Variants in ARMC2 observed in about 807,000 individuals in gnomAD.
ARMC2 encodes armadillo repeat containing 2, also known as armadillo repeat-containing protein 2.
ARMC2 carries 67 observed loss-of-function variants against 90.3 expected under a neutral mutation model. The observed-to-expected ratio is 0.74, with a 90% CI of 0.61 to 0.91. The LOEUF (loss-of-function observed/expected upper bound fraction) is 0.91, where lower values mean the gene tolerates loss of function less well. Ranked by LOEUF, ARMC2 falls within the 40% of genes least tolerant of loss-of-function variation. ARMC2 has a pLI of 0.00. For synonymous variants in ARMC2, 393 were observed against 393.0 expected (o/e 1.00, Z 0.00); for missense variants, 920 against 1,030.9 (o/e 0.89, Z 1.47).
At chr6:108,874,558 A>G (rs1009509602) in intron 4 of ARMC2, among the ~76,000 whole-genome samples, 3 of 152,328 alleles carry the variant, frequency 2.0e-5, no homozygotes, top group African/African-American at 2.4e-5. Flanking sequence ...TTGGGTTCCA[A>G]TAATCATGAC....
At chr6:108,864,874 C>T (rs765060504) in intron 3 of ARMC2, among the ~76,000 whole-genome samples, 6 of 152,234 alleles carry the variant, frequency 3.9e-5, no homozygotes, top group Admixed American at 1.3e-4. Context: ...CCTCAATGGA[C>T]TCTAACAGGT....
At chr6:108,880,801 TC>T (rs1238262040) in intron 5 of ARMC2, among the ~76,000 whole-genome samples, 2 of 149,922 alleles carry the variant, frequency 1.3e-5, no homozygotes, top group Non-Finnish European at 3.0e-5. Flanking sequence ...CCTCTCTCTT[TC>T]TTTCTTCCTG....
the ARMC2 span, among the ~76,000 whole-genome samples, chr6:109,046,219 G>A: frequency 3.4e-5 from 5 of 148,072 alleles, no homozygotes; most frequent in Admixed American, 6.7e-5. Flanking sequence ...TCAGCCTGCC[G>A]AGTGCCTGCG....
At chr6:108,960,981 G>T (rs1209558495) in intron 13 of ARMC2, among the ~76,000 whole-genome samples, 1 of 152,192 alleles carries the variant, frequency 6.6e-6, no homozygotes, top group African/African-American at 2.4e-5. Context: ...GAGGTGGGTG[G>T]CAGTATCTGA....
chr6:108,998,713 A>G, the ARMC2 span: 1 of 1,613,826 alleles, frequency 6.2e-7, no homozygotes, highest in South Asian at 1.1e-5. Context: ...GCATGTACCA[A>G]TTCCGCAAGG....
intron 7 of ARMC2, among the ~76,000 whole-genome samples, chr6:108,903,148 A>C (rs1423138350): frequency 1.3e-5 from 2 of 152,226 alleles, no homozygotes; most frequent in Admixed American, 6.5e-5. Context: ...GGTCTGGGTG[A>C]CAGAGTGAGA....
chr6:108,944,441 AG>A (rs1216500092), intron 12 of ARMC2, among the ~76,000 whole-genome samples: 1 of 152,200 alleles, frequency 6.6e-6, no homozygotes, highest in Non-Finnish European at 1.5e-5. Flanking sequence ...CACACTGATG[AG>A]GCTTCAAGCA....
the ARMC2 span, among the ~76,000 whole-genome samples, chr6:109,033,388 CCAAACAAATATAAG>C: frequency 1.3e-5 from 2 of 152,016 alleles, no homozygotes; most frequent in African/African-American, 4.8e-5. Flanking sequence ...AACTTTATAC[CCAAACAAATATAAG>C]CAAAGGTGGC....
intron 10 of ARMC2, among the ~76,000 whole-genome samples, chr6:108,915,949 A>G (rs1378847478): frequency 6.6e-6 from 1 of 152,230 alleles, no homozygotes; most frequent in African/African-American, 2.4e-5. Context: ...TGGAGGGCTA[A>G]GATCTCAAAC....
chr6:108,966,229 C>T (rs1034549839), intron 17 of ARMC2, among the ~76,000 whole-genome samples: 78 of 151,370 alleles, frequency 5.2e-4, no homozygotes, highest in African/African-American at 1.9e-3. Context: ...AGACACCTTT[C>T]CTTTACACTC....
At chr6:108,977,312 G>A (rs564943599), downstream of ARMC2, among the ~76,000 whole-genome samples, 144 of 152,236 alleles carry the variant, frequency 9.5e-4, 1 homozygote, top group Non-Finnish European at 1.3e-3. Flanking sequence ...ATTGATTTGC[G>A]TATGTTGAAC....
the ARMC2 span, among the ~76,000 whole-genome samples, chr6:108,996,904 T>C: frequency 6.6e-6 from 1 of 152,166 alleles, no homozygotes; most frequent in Non-Finnish European, 1.5e-5. Flanking sequence ...GGAAGAAATT[T>C]AAATGTATAT....
chr6:108,879,920 CCTT>C (rs1303603084), intron 5 of ARMC2: 4 of 470,500 alleles, frequency 8.5e-6, no homozygotes, highest in South Asian at 3.1e-5. Context: ...ACTCCCATCT[CCTT>C]CTAGCCCTCA....
chr6:108,912,700 C>T lies in ARMC2; in HGVS notation c.1350+142C>T, dbSNP rs538817358. 2.1e-5 allele frequency: 15 copies of T among 708,542 alleles called. No individual in the cohort carries two copies. The East Asian group carries it at 4.0e-4, about 19-fold the overall frequency. 43.9% of individuals were successfully genotyped at this position (708,542 alleles called of 1,614,324 possible). ...TCCAAGGGCAGCAGCCATAGCCCAC[C>T]TCCACCCCATGAGGGCCTGGTGCCT... On this transcript the variant is annotated intron_variant, in intron 10 of 17. Transcript: ENST00000392644.
At chr6:108,961,812 G>C in intron 14 of ARMC2, 118 bp downstream of exon 14, 1 of 1,268,544 alleles carries the variant, frequency 7.9e-7, no homozygotes, top group Non-Finnish European at 1.1e-6. Context: ...AAATGTCTTA[G>C]AGCCTGATGA....
intron 12 of ARMC2, among the ~76,000 whole-genome samples, chr6:108,951,397 A>G (rs1344857889): frequency 6.6e-6 from 1 of 152,180 alleles, no homozygotes; most frequent in Non-Finnish European, 1.5e-5. Context: ...GGGTCTCCTA[A>G]TTGGACGACC....
the ARMC2 span, among the ~76,000 whole-genome samples, chr6:109,036,995 G>C: frequency 1.4e-3 from 206 of 152,252 alleles, no homozygotes; most frequent in African/African-American, 4.7e-3. Flanking sequence ...GAAACTTACC[G>C]ATCAAGGTCC....
the ARMC2 span, among the ~76,000 whole-genome samples, chr6:109,042,029 AGT>A: frequency 6.6e-6 from 1 of 152,148 alleles, no homozygotes; most frequent in Non-Finnish European, 1.5e-5. Flanking sequence ...TCACACTAGA[AGT>A]AAATAATAGA....
chr6:108,927,250 A>T (rs1256816233), intron 10 of ARMC2, among the ~76,000 whole-genome samples: 4 of 152,176 alleles, frequency 2.6e-5, no homozygotes, highest in African/African-American at 4.8e-5. Context: ...CTAGGAAGAG[A>T]TGATGGCAGC....
Sources: allele counts gnomAD v4.1 joint callset (sites outside exome capture counted in the v4.1 genomes callset), GRCh38; gene constraint gnomAD v4.1.1; transcripts MANE v1.5; gene names NCBI Gene and HGNC (gene_info 2026-07-23, HGNC 2026-07-21).